The following FRA10AC1 variants were observed in gnomAD, a reference collection of about 807,000 sequenced individuals.
FRA10AC1 encodes the protein protein FRA10AC1.
FRA10AC1 carries 43 observed loss-of-function variants against 56.5 expected under a neutral mutation model. That is an observed-to-expected ratio of 0.76 (90% CI 0.60 to 0.98). FRA10AC1 has a LOEUF of 0.98. Among genes scored for constraint, FRA10AC1 ranks in the 50% least tolerant of loss-of-function variants. FRA10AC1 has a pLI of 0.00. For missense variants in FRA10AC1, 346 were observed against 351.8 expected, an observed-to-expected ratio of 0.98 and a Z score of 0.13; for synonymous variants, 112 against 110.5, an observed-to-expected ratio of 1.01 and a Z score of -0.09.
chr10:93,701,709 G>C (rs913260679), intron 1 of FRA10AC1, among the ~76,000 whole-genome samples: 6 of 152,030 alleles, frequency 3.9e-5, no homozygotes, highest in African/African-American at 1.5e-4. Flanking sequence ...GTCAACTCCA[G>C]CTGTCTTACC....
chr10:93,675,074 G>A (rs545423467), intron 12 of FRA10AC1: 2 of 152,290 alleles, frequency 1.3e-5, no homozygotes, highest in East Asian at 3.9e-4. Flanking sequence ...GAAAGAGTCA[G>A]TGCTTTAAGA....
At chr10:93,684,644 GA>G (rs1386465756) in intron 9 of FRA10AC1, among the ~76,000 whole-genome samples, 3 of 151,996 alleles carry the variant, frequency 2.0e-5, no homozygotes, top group Non-Finnish European at 4.4e-5. Flanking sequence ...GGTATGAGCA[GA>G]AAACTCTGAA....
At position 93,685,365 on chromosome 10, in the gene FRA10AC1, G is replaced by A; in HGVS notation, c.512-6C>T. 1 of 1,211,406 alleles carries A rather than the reference G, an allele frequency of 8.3e-7. No homozygotes were observed. Among genetic ancestry groups the A allele is most frequent in the Non-Finnish European group, 1.2e-6 (1 of 821,228 alleles). 75.0% of individuals were successfully genotyped at this position (1,211,406 alleles called of 1,614,324 possible). On this transcript the variant is annotated splice_region_variant and splice_polypyrimidine_tract_variant and intron_variant, in intron 8 of 13. Transcript: ENST00000359204. ...ATTTCCACAGAAAAATTGACCTGCA[G>A]AAAGGAAAGGAATATTAGCTATGGT... is the stretch of plus-strand genomic sequence containing the variant.
intron 13 of FRA10AC1, 140 bp from the exon 14 acceptor site, chr10:93,670,008 T>C (rs1448438953): frequency 4.0e-6 from 2 of 499,882 alleles, no homozygotes; most frequent in Non-Finnish European, 7.1e-6. Context: ...ATTGCCATGA[T>C]TCAGCCATCA....
Position 93,687,396 on chromosome 10 carries a change from A to G in FRA10AC1, c.511+8T>C. On this transcript the variant is annotated splice_region_variant and intron_variant, in intron 8 of 13. Coordinates refer to ENST00000359204, the MANE Select transcript of FRA10AC1 (RefSeq NM_145246.5). ...TCCTATTAAAAAGTAAAAATTTTAA[A>G]GAATTACCTTTTCCTGAAATTACTT... is the stretch of plus-strand genomic sequence containing the variant. 1 of 1,493,188 alleles carries G rather than the reference A, an allele frequency of 6.7e-7. No homozygotes were observed. Among genetic ancestry groups the G allele is most frequent in the Non-Finnish European group, 9.1e-7 (1 of 1,102,654 alleles). The allele number at this position is 1,493,188 out of a possible 1,614,324, so 92.5% of individuals were successfully genotyped here.
At chr10:93,692,530 C>T in intron 6 of FRA10AC1, 116 bp downstream of exon 6, 1 of 669,838 alleles carries the variant, frequency 1.5e-6, no homozygotes. Flanking sequence ...GATTTTATGT[C>T]CTTGATTCAG....
intron 4 of FRA10AC1, among the ~76,000 whole-genome samples, chr10:93,695,297 G>T (rs2059212964): frequency 6.6e-6 from 1 of 151,540 alleles, no homozygotes; most frequent in South Asian, 2.1e-4. Flanking sequence ...AAAAATTATA[G>T]TTTCTAAAAG....
chr10:93,700,139 T>A, intron 1 of FRA10AC1, 33 bp from the exon 2 acceptor site: 2 of 1,211,102 alleles, frequency 1.7e-6, no homozygotes, highest in Non-Finnish European at 2.4e-6. Flanking sequence ...CTATTTAGAA[T>A]CTATGTTGCC....
rs1229199419 is a variant in FRA10AC1 at position 93,668,348 on chromosome 10, A to C, written c.*1478T>G. ...CTTTGCTAGTTTTCAGAAATCAATA[A>C]ATCCTTTTGAAAATCTGATTTTTGA... On this transcript the variant is annotated 3_prime_UTR_variant, in exon 14 of 14. Transcript: ENST00000359204. The C allele has an allele frequency of 6.6e-6, 1 of 152,138 alleles. No homozygotes were observed. Among genetic ancestry groups the C allele is most frequent in the East Asian group, 1.9e-4 (1 of 5,192 alleles). 9.4% of individuals were successfully genotyped at this position (152,138 alleles called of 1,614,324 possible).
chr10:93,678,752 T>A (rs559784455), intron 11 of FRA10AC1, among the ~76,000 whole-genome samples: 1 of 151,796 alleles, frequency 6.6e-6, no homozygotes, highest in African/African-American at 2.4e-5. Flanking sequence ...GAGGATCACA[T>A]GGGCCTCCGA....
At position 93,669,000 on chromosome 10, in the gene FRA10AC1, G is replaced by A. The variant is rs2058720486; in HGVS notation, c.*826C>T. 1 of 152,096 alleles carries A rather than the reference G, an allele frequency of 6.6e-6. No individual in the cohort carries two copies. The highest frequency in any genetic ancestry group is 6.6e-5 in the Admixed American group (1 of 15,264). The allele number at this position is 152,096 out of a possible 1,614,324, so 9.4% of individuals were successfully genotyped here. A position where few individuals can be genotyped will look rare whatever the true frequency, so the allele number is the denominator to read the frequency against. On this transcript the variant is annotated 3_prime_UTR_variant, in exon 14 of 14. Transcript: ENST00000359204. ...GGGGAGGCAATTTTTGTGAACACAT[G>A]AACTGTTTTAGACTACTGGGACCTC...
At chr10:93,675,063 A>G (rs1432944036) in intron 12 of FRA10AC1, 1 of 152,196 alleles carries the variant, frequency 6.6e-6, no homozygotes, top group Non-Finnish European at 1.5e-5. Flanking sequence ...TTACGTGGAG[A>G]GAAAGAGTCA....
rs1041758886 is a variant in FRA10AC1, at chr10:93,669,751, T to C, written c.*75A>G. On this transcript the variant is annotated 3_prime_UTR_variant, in exon 14 of 14. Transcript: ENST00000359204. ...TGTAACTTGCAGATAAAAACTTATA[T>C]GGAATTTCAAATTGCATGAAGTTTA... 2 of 976,594 alleles carry C rather than the reference T, an allele frequency of 2.0e-6. No individual in the cohort carries two copies. Among genetic ancestry groups the C allele is most frequent in the Admixed American group, 2.4e-5 (1 of 41,404 alleles). The allele number at this position is 976,594 out of a possible 1,614,324, so 60.5% of individuals were successfully genotyped here.
chr10:93,695,420 TC>T (rs1203635538), intron 4 of FRA10AC1, among the ~76,000 whole-genome samples: 3 of 151,754 alleles, frequency 2.0e-5, no homozygotes, highest in East Asian at 1.9e-4. Flanking sequence ...TATAATTAAA[TC>T]CCAACATTAA....
At chr10:93,684,747 A>C (rs1232259662) in intron 9 of FRA10AC1, among the ~76,000 whole-genome samples, 1 of 152,188 alleles carries the variant, frequency 6.6e-6, no homozygotes, top group Non-Finnish European at 1.5e-5. Context: ...ACAGACTCTA[A>C]AACATGCATC....
In FRA10AC1 at chr10:93,681,565, AT is replaced by A; in HGVS notation, c.701del (p.Asp234ValfsTer94). 1 of 1,557,438 alleles carries A rather than the reference AT, an allele frequency of 6.4e-7. No homozygotes were observed. Among genetic ancestry groups the A allele is most frequent in the African/African-American group, 1.4e-5 (1 of 71,320 alleles). On this transcript the variant is annotated frameshift_variant, in exon 11 of 14. Transcript: ENST00000359204. LOFTEE classifies it high-confidence loss of function. ...ACTCTTCACAGTCTTTTTTGGTTTT[AT>A]CTTTTCTTTTTTTTGACTTGATTTC... Reference protein sequence around the residue: ...RKEIKSKKRKDKTKKDCEESS... With the variant: ...RKEIKSKKRKXKTKKDCEESS...
At position 93,681,504 on chromosome 10, in the gene FRA10AC1, C is replaced by A; in HGVS notation, c.763G>T (p.Glu255Ter). 1 of 1,578,406 alleles carries A rather than the reference C, an allele frequency of 6.3e-7. No individual in the cohort carries two copies. The highest frequency in any genetic ancestry group is 8.6e-7 in the Non-Finnish European group (1 of 1,166,542). ...HKKSRLSSAEEASKKKDKGHS... is the reference protein window; with the variant it reads ...HKKSRLSSAE ...CCTTTATCTTTTTTCTTGGAGGCCT[C>A]TTCTGCAGAAGATAATCTGGATTTT... Residue 255 changes from glutamate (E) to a stop codon, truncating the protein, a stop_gained, in exon 11 of 14, where the codon GAG becomes TAG. Transcript: ENST00000359204. LOFTEE classifies it high-confidence loss of function.
intron 4 of FRA10AC1, among the ~76,000 whole-genome samples, chr10:93,695,750 G>A (rs1203688411): frequency 6.6e-6 from 1 of 151,602 alleles, no homozygotes. Context: ...AAAAAAGAGA[G>A]AGACAGAAAA....
intron 12 of FRA10AC1, chr10:93,675,295 T>C (rs1270416922): frequency 3.3e-5 from 5 of 152,216 alleles, no homozygotes; most frequent in African/African-American, 4.8e-5. Context: ...TAAATGCAAA[T>C]AATGTTTATA....
Sources: allele counts gnomAD v4.1 joint callset (sites outside exome capture counted in the v4.1 genomes callset), GRCh38; gene constraint gnomAD v4.1.1; transcripts MANE v1.5; gene names NCBI Gene and HGNC (gene_info 2026-07-23, HGNC 2026-07-21).